COBL: variants seen among roughly 807,000 people sequenced by gnomAD.
COBL encodes the protein cordon-bleu WH2 repeat protein, also known as protein cordon-bleu.
COBL carries 51 observed loss-of-function variants against 98.8 expected under a neutral mutation model. The ratio of observed to expected loss-of-function variants is 0.52; its 90% CI spans 0.41 to 0.65. The LOEUF (loss-of-function observed/expected upper bound fraction) is 0.65, where lower values mean the gene tolerates loss of function less well. Among genes scored for constraint, COBL ranks in the 30% least tolerant of loss-of-function variants. The pLI is 0.00. For missense variants in COBL, 1,617 were observed against 1,617.5 expected (o/e 1.00, Z 0.01); for synonymous variants, 634 against 651.7 (o/e 0.97, Z 0.41).
intron 7 of COBL, among the ~76,000 whole-genome samples, chr7:51,056,784 T>C (rs916919808): frequency 6.6e-5 from 10 of 150,406 alleles, no homozygotes; most frequent in African/African-American, 2.2e-4. Context: ...AAATGACTAA[T>C]AACTATGCTT....
At chr7:51,117,239 G>A (rs1357839337) in intron 6 of COBL, among the ~76,000 whole-genome samples, 1 of 151,558 alleles carries the variant, frequency 6.6e-6, no homozygotes, top group Non-Finnish European at 1.5e-5. Flanking sequence ...TCTTTAATTT[G>A]TAAATTTTGT....
chr7:51,242,803 C>A (rs1474939502), intron 1 of COBL, among the ~76,000 whole-genome samples: 8 of 152,196 alleles, frequency 5.3e-5, no homozygotes, highest in Non-Finnish European at 1.2e-4. Flanking sequence ...AAGAGGCCCA[C>A]TCGCCCAGGT....
intron 7 of COBL, among the ~76,000 whole-genome samples, chr7:51,076,093 T>A (rs1337090574): frequency 6.6e-6 from 1 of 152,146 alleles, no homozygotes; most frequent in Non-Finnish European, 1.5e-5. Flanking sequence ...AAGTGGCAAA[T>A]AAACACCAGC....
At chr7:51,301,510 G>A (rs1801964860) in intron 1 of COBL, among the ~76,000 whole-genome samples, 1 of 152,314 alleles carries the variant, frequency 6.6e-6, no homozygotes, top group Non-Finnish European at 1.5e-5. Context: ...GGCCTGGGCC[G>A]TGTCCTACCA....
At chr7:51,048,079 T>C (rs538065951) in intron 7 of COBL, among the ~76,000 whole-genome samples, 58 of 152,166 alleles carry the variant, frequency 3.8e-4, no homozygotes, top group African/African-American at 1.3e-3. Flanking sequence ...AGGCAGAGAA[T>C]TGCTTGAACC....
chr7:51,028,363 T>A lies in COBL; in HGVS notation c.2733A>T (p.Lys911Asn). The change falls in exon 10 of 13, where the codon AAA (lysine) becomes AAT (asparagine). Residue 911 changes from lysine to asparagine, a missense_variant. Lys to Asn is a moderately conservative substitution (Grantham distance 94). Coordinates refer to ENST00000265136, the MANE Select transcript of COBL (RefSeq NM_015198.5). The part of the protein sequence containing the change: ...PVLAAPPVTV[K>N]DDRTSSPHSE... ...AGTGTGGGCTGGATGTCCTGTCATC[T>A]TTCACAGTGACAGGTGGTGCAGCCA... 6.2e-7 allele frequency: 1 copy of A among 1,614,276 alleles called. No homozygotes were observed. Among genetic ancestry groups the A allele is most frequent in the Non-Finnish European group, 8.5e-7 (1 of 1,180,052 alleles).
chr7:51,122,884 C>T (rs1215041678), intron 6 of COBL, among the ~76,000 whole-genome samples: 1 of 151,662 alleles, frequency 6.6e-6, no homozygotes, highest in Non-Finnish European at 1.5e-5. Context: ...GAGGCTGATG[C>T]AGGAGAATCG....
chr7:51,302,581 CAAAAA>C (rs397888990), intron 1 of COBL, among the ~76,000 whole-genome samples: 3 of 66,588 alleles, frequency 4.5e-5, no homozygotes, highest in African/African-American at 5.2e-5. Context: ...AACTCCGTCT[CAAAAA>C]AAAAAAAAAA....
At chr7:51,223,467 C>T (rs1428934892) in intron 1 of COBL, among the ~76,000 whole-genome samples, 1 of 152,198 alleles carries the variant, frequency 6.6e-6, no homozygotes, top group Non-Finnish European at 1.5e-5. Context: ...TGACGTCACA[C>T]ATCTGTGCCC....
At chr7:51,121,352 T>C in intron 6 of COBL, among the ~76,000 whole-genome samples, 1 of 152,240 alleles carries the variant, frequency 6.6e-6, no homozygotes, top group African/African-American at 2.4e-5. Context: ...CCTTTGCTCA[T>C]TTTTTAATTG....
chr7:51,215,591 T>C (rs1054895802), intron 2 of COBL, among the ~76,000 whole-genome samples: 15 of 152,358 alleles, frequency 9.8e-5, no homozygotes, highest in Middle Eastern at 3.4e-3. Flanking sequence ...AGTCTTCGAA[T>C]AGAAGCATAA....
chr7:51,046,280 G>A (rs1789686824), intron 7 of COBL, among the ~76,000 whole-genome samples: 1 of 152,118 alleles, frequency 6.6e-6, no homozygotes, highest in African/African-American at 2.4e-5. Flanking sequence ...TGTGGCCAAG[G>A]GGGAGCACCT....
intron 8 of COBL, chr7:51,033,407 A>G (rs1400814705): frequency 6.6e-6 from 1 of 152,282 alleles, no homozygotes; most frequent in East Asian, 1.9e-4. Flanking sequence ...CTAAATTATT[A>G]CATATATATT....
intron 1 of COBL, among the ~76,000 whole-genome samples, chr7:51,301,371 T>A (rs1430094905): frequency 2.0e-5 from 3 of 152,172 alleles, no homozygotes; most frequent in Non-Finnish European, 2.9e-5. Flanking sequence ...GCCCGTGCTC[T>A]CCACTCTGTG....
intron 1 of COBL, among the ~76,000 whole-genome samples, chr7:51,261,845 G>C (rs1033694646): frequency 2.0e-5 from 3 of 152,242 alleles, no homozygotes; most frequent in Admixed American, 1.3e-4. Flanking sequence ...TTACTAGGGA[G>C]GCTGAAGCAG....
chr7:51,232,118 C>G (rs985905258), intron 1 of COBL, among the ~76,000 whole-genome samples: 2 of 152,104 alleles, frequency 1.3e-5, no homozygotes, highest in East Asian at 3.9e-4. Flanking sequence ...TATGGGCTGC[C>G]AAAACACCAT....
Position 51,267,357 on chromosome 7 carries a change from G to T in COBL, c.42-47413C>A. Among the ~76,000 whole-genome samples the T allele has an allele frequency of 1.3e-5, 2 of 152,074 alleles. 1 individual carries two copies. The highest frequency in any genetic ancestry group is 2.9e-5 in the Non-Finnish European group (2 of 68,022). On this transcript the variant is annotated intron_variant, in intron 1 of 12. Coordinates refer to ENST00000265136, the MANE Select transcript of COBL (RefSeq NM_015198.5). Reference sequence around the variant, plus strand: ...GATGAGCCAGAACAAAACCAGCGCAGGACCTGACTCACAGCCACCTGCACT... The same window carrying T: ...GATGAGCCAGAACAAAACCAGCGCATGACCTGACTCACAGCCACCTGCACT...
At position 51,027,791 on chromosome 7, in the gene COBL, G is replaced by T; in HGVS notation, c.3305C>A (p.Pro1102Gln). The T allele has an allele frequency of 6.2e-7, 1 of 1,614,216 alleles. No homozygotes were observed. Among genetic ancestry groups the T allele is most frequent in the Non-Finnish European group, 8.5e-7 (1 of 1,180,042 alleles). The change falls in exon 10 of 13, where the codon CCA becomes CAA. Residue 1102 changes from proline to glutamine, a missense_variant. This residue lies in a region of COBL where 1,304 missense variants were observed against 1,282.0 expected (regional missense o/e 1.02). Transcript: ENST00000265136. Reference protein sequence around the residue: ...KKKFKPVVQRPVPKDTSLHSA... With the variant: ...KKKFKPVVQRQVPKDTSLHSA... Reference sequence around the variant, plus strand: ...GTGCAGGGATGTGTCTTTTGGGACTGGTCTCTGGACAACAGGTTTGAATTT... The same window carrying T: ...GTGCAGGGATGTGTCTTTTGGGACTTGTCTCTGGACAACAGGTTTGAATTT...
In COBL at chr7:51,143,183, A is replaced by G. The variant is rs1784713529; in HGVS notation, c.784-6852T>C. Among the ~76,000 whole-genome samples, 5 of 152,196 alleles carry G rather than the reference A, an allele frequency of 3.3e-5. No individual in the cohort carries two copies. The South Asian group carries it at 1.0e-3, about 32-fold the overall frequency. Reference sequence around the variant, plus strand: ...GAAGAGCATCAGGGAAAGGATGTTCACAGGGCATGCCTCAATCTGCATGCG... The same window carrying G: ...GAAGAGCATCAGGGAAAGGATGTTCGCAGGGCATGCCTCAATCTGCATGCG... On this transcript the variant is annotated intron_variant, in intron 5 of 12. Coordinates refer to ENST00000265136, the MANE Select transcript of COBL (RefSeq NM_015198.5).
Sources: allele counts gnomAD v4.1 joint callset (sites outside exome capture counted in the v4.1 genomes callset), GRCh38; gene constraint gnomAD v4.1.1; regional missense constraint gnomAD v4.1.1; transcripts MANE v1.5; gene names NCBI Gene and HGNC (gene_info 2026-07-23, HGNC 2026-07-21).